The following TRIM33 variants were observed in gnomAD, a reference collection of about 807,000 sequenced individuals.
TRIM33 encodes the protein tripartite motif containing 33.
TRIM33 carries 20 observed loss-of-function variants against 125.4 expected under a neutral mutation model. That is an observed-to-expected ratio of 0.16 (90% CI 0.11 to 0.23). The LOEUF is 0.23. Among genes scored for constraint, TRIM33 ranks in the 10% least tolerant of loss-of-function variants. TRIM33 has a pLI of 1.00. For missense variants in TRIM33, 920 were observed against 1,411.4 expected, an observed-to-expected ratio of 0.65 and a Z score of 5.58; for synonymous variants, 564 against 513.9, an observed-to-expected ratio of 1.10 and a Z score of -1.32.
intron 11 of TRIM33, among the ~76,000 whole-genome samples, chr1:114,414,916 A>G (rs986339546): frequency 6.6e-6 from 1 of 151,928 alleles, no homozygotes; most frequent in Non-Finnish European, 1.5e-5. Context: ...AATCATAACA[A>G]CTAACATTTA....
intron 15 of TRIM33, 149 bp from the exon 16 acceptor site, chr1:114,403,032 G>A: frequency 1.3e-6 from 1 of 761,446 alleles, no homozygotes; most frequent in Non-Finnish European, 2.0e-6. Flanking sequence ...GTCAGGTGAA[G>A]TCATGTGATT....
chr1:114,458,245 A>G (rs1187782836), intron 4 of TRIM33, among the ~76,000 whole-genome samples: 2 of 152,226 alleles, frequency 1.3e-5, no homozygotes, highest in African/African-American at 4.8e-5. Flanking sequence ...TTTAGGCATA[A>G]ACAGCAACCA....
chr1:114,406,803 G>A, intron 14 of TRIM33, 138 bp downstream of exon 14: 1 of 771,978 alleles, frequency 1.3e-6, no homozygotes, highest in Non-Finnish European at 2.0e-6. Context: ...TAGAAAAAGA[G>A]ATATCTGGCT....
intron 4 of TRIM33, among the ~76,000 whole-genome samples, chr1:114,453,569 C>T (rs1649460687): frequency 6.6e-6 from 1 of 152,160 alleles, no homozygotes; most frequent in Admixed American, 6.5e-5. Context: ...TGCCTTCAGT[C>T]CCTGGCAGGT....
At chr1:114,456,301 G>C (rs1178934355) in intron 4 of TRIM33, among the ~76,000 whole-genome samples, 1 of 152,158 alleles carries the variant, frequency 6.6e-6, no homozygotes, top group Non-Finnish European at 1.5e-5. Context: ...ACAGTGTAAG[G>C]TACTGCCTGA....
At chr1:114,493,451 CTTTGT>C (rs1187934203) in intron 1 of TRIM33, among the ~76,000 whole-genome samples, 4 of 151,962 alleles carry the variant, frequency 2.6e-5, no homozygotes, top group African/African-American at 9.7e-5. Flanking sequence ...TGTTACTTGT[CTTTGT>C]TTTGTTTTTG....
Position 114,396,288 on chromosome 1 carries a change from G to C in TRIM33, c.*1360C>G, listed in dbSNP as rs1651541679. On this transcript the variant is annotated 3_prime_UTR_variant, in exon 20 of 20. Transcript: ENST00000358465. ...TTATCGGCCTCGGGTGCTGTAATTG[G>C]GGTGGTAAAGGTGGGTTTACTCCAG... The C allele has an allele frequency of 4.9e-6, 1 of 204,362 alleles. No homozygotes were observed. The allele number at this position is 204,362 out of a possible 1,614,324, so 12.7% of individuals were successfully genotyped here. A position where few individuals can be genotyped will look rare whatever the true frequency, so the allele number is the denominator to read the frequency against.
intron 4 of TRIM33, among the ~76,000 whole-genome samples, chr1:114,443,003 A>G (rs900485274): frequency 6.6e-6 from 1 of 152,002 alleles, no homozygotes; most frequent in Non-Finnish European, 1.5e-5. Flanking sequence ...TCTTAATTCA[A>G]AAGTCCAATT....
At chr1:114,475,694 A>G (rs1291959345) in intron 1 of TRIM33, among the ~76,000 whole-genome samples, 1 of 151,442 alleles carries the variant, frequency 6.6e-6, no homozygotes, top group African/African-American at 2.4e-5. Flanking sequence ...AATAAAAATA[A>G]ATGTTTAACA....
At chr1:114,424,470 A>AT in intron 10 of TRIM33, 121 bp downstream of exon 10, 2 of 756,126 alleles carry the variant, frequency 2.6e-6, no homozygotes, top group Admixed American at 3.4e-5. Context: ...GGACAAGAGG[A>AT]TATACAGCAT....
At chr1:114,419,550 AT>A (rs1015873722) in intron 11 of TRIM33, among the ~76,000 whole-genome samples, 1 of 152,196 alleles carries the variant, frequency 6.6e-6, no homozygotes, top group Non-Finnish European at 1.5e-5. Flanking sequence ...TTACTTTTTA[AT>A]TTATATTTAA....
chr1:114,469,328 C>T (rs1459652496), intron 1 of TRIM33: 4 of 166,572 alleles, frequency 2.4e-5, no homozygotes, highest in Non-Finnish European at 4.1e-5. Flanking sequence ...GGAGATTTGG[C>T]GGGACAGGTT....
chr1:114,449,785 C>A (rs527737791), intron 4 of TRIM33, among the ~76,000 whole-genome samples: 1 of 152,150 alleles, frequency 6.6e-6, no homozygotes, highest in African/African-American at 2.4e-5. Context: ...CTACCACATG[C>A]CAAACTTGTC....
intron 9 of TRIM33, 52 bp from the exon 10 acceptor site, chr1:114,424,807 CT>C: frequency 8.5e-7 from 1 of 1,182,856 alleles, no homozygotes; most frequent in Non-Finnish European, 1.1e-6. Flanking sequence ...ATAAATTTAT[CT>C]CAATTATAAA....
At chr1:114,433,554 T>C (rs891886119) in intron 5 of TRIM33, 63 bp downstream of exon 5, 5 of 1,010,922 alleles carry the variant, frequency 4.9e-6, no homozygotes, top group Non-Finnish European at 7.4e-6. Context: ...AAAAACAGAT[T>C]TAAACTGGAC....
At chr1:114,490,481 A>G (rs543400391) in intron 1 of TRIM33, among the ~76,000 whole-genome samples, 12 of 152,354 alleles carry the variant, frequency 7.9e-5, no homozygotes, top group African/African-American at 2.9e-4. Flanking sequence ...CAGTTGGCAG[A>G]TCCTCAAAAG....
chr1:114,415,156 G>A (rs893874437), intron 11 of TRIM33, among the ~76,000 whole-genome samples: 4 of 151,604 alleles, frequency 2.6e-5, no homozygotes, highest in Non-Finnish European at 4.4e-5. Flanking sequence ...CAAGATGCCC[G>A]GCTCATTTTT....
intron 11 of TRIM33, among the ~76,000 whole-genome samples, chr1:114,413,180 A>C (rs1447296187): frequency 1.3e-5 from 2 of 152,176 alleles, no homozygotes; most frequent in African/African-American, 2.4e-5. Flanking sequence ...CCAAAAGTTC[A>C]CCAACAGAGG....
At chr1:114,452,829 G>A (rs1014361327) in intron 4 of TRIM33, among the ~76,000 whole-genome samples, 1 of 151,842 alleles carries the variant, frequency 6.6e-6, no homozygotes, top group African/African-American at 2.4e-5. Context: ...TTGAGCCCAG[G>A]AGGTTCAAGG....
Sources: allele counts gnomAD v4.1 joint callset (sites outside exome capture counted in the v4.1 genomes callset), GRCh38; gene constraint gnomAD v4.1.1; transcripts MANE v1.5; gene names NCBI Gene and HGNC (gene_info 2026-07-23, HGNC 2026-07-21).